Variants in CLASP2 observed in about 807,000 individuals in gnomAD.
CLASP2 encodes cytoplasmic linker associated protein 2.
CLASP2 carries 47 observed loss-of-function variants against 194.4 expected under a neutral mutation model. The observed-to-expected ratio is 0.24, with a 90% CI of 0.19 to 0.31. The LOEUF is 0.31. Ranked by LOEUF, CLASP2 falls within the 10% of genes least tolerant of loss-of-function variation. The pLI is 1.00. For missense variants in CLASP2, 1,445 were observed against 1,823.6 expected (o/e 0.79, Z 3.78); for synonymous variants, 619 against 633.5 (o/e 0.98, Z 0.34).
chr3:33,602,883 T>C (rs778024781), intron 18 of CLASP2, 69 bp downstream of exon 18: 4 of 1,343,146 alleles, frequency 3.0e-6, no homozygotes, highest in Non-Finnish European at 4.2e-6. Context: ...ATGATTAAGG[T>C]ATATGAACTT....
rs778196993 is a variant in CLASP2, at chr3:33,608,602, T to A, written c.1413A>T (p.Leu471Phe). Residue 471 changes from leucine (L) to phenylalanine (F), a missense_variant, in exon 14 of 39, where the codon TTA becomes TTT. Physicochemically the swap from Leu to Phe is conservative, Grantham distance 22. Coordinates refer to ENST00000682230, the MANE Select transcript of CLASP2 (RefSeq NM_001365631.1). Reference protein sequence around the residue: ...VRRRSFEFLDLLLQEWQTHSL... With the variant: ...VRRRSFEFLDFLLQEWQTHSL... ...AATGAGTCTGCCACTCTTGCAACAA[T>A]AAATCTAAAAATTCAAATGAACGTC... 5.6e-6 allele frequency: 9 copies of A among 1,610,908 alleles called. No homozygotes were observed. The highest frequency in any genetic ancestry group is 1.7e-5 in the Admixed American group (1 of 59,556).
At chr3:33,503,522 G>C (rs576115316) in intron 37 of CLASP2, 2 of 151,736 alleles carry the variant, frequency 1.3e-5, no homozygotes, top group South Asian at 4.2e-4. Flanking sequence ...CCACCTCCAG[G>C]GTTCAAGCAA....
intron 9 of CLASP2, 70 bp from the exon 10 acceptor site, chr3:33,627,150 T>C (rs2078191480): frequency 1.2e-6 from 1 of 860,560 alleles, no homozygotes; most frequent in Non-Finnish European, 1.9e-6. Flanking sequence ...TGCCCTGATG[T>C]TTAAAATAAT....
chr3:33,604,284 T>C, intron 16 of CLASP2, 75 bp from the exon 17 acceptor site: 2 of 925,714 alleles, frequency 2.2e-6, no homozygotes, highest in Non-Finnish European at 3.3e-6. Context: ...AAAATACTAC[T>C]GAATTTTGTG....
intron 36 of CLASP2, among the ~76,000 whole-genome samples, chr3:33,514,186 C>T (rs750993560): frequency 8.3e-4 from 126 of 152,162 alleles, no homozygotes; most frequent in Non-Finnish European, 1.4e-3. Context: ...TGGGGTTTTG[C>T]CATGTTGGTC....
intron 6 of CLASP2, chr3:33,683,674 T>C (rs1295394080): frequency 6.6e-6 from 1 of 152,172 alleles, no homozygotes; most frequent in Admixed American, 6.6e-5. Context: ...CTGGGTACGG[T>C]GGCTCTCACC....
chr3:33,529,998 A>AT (rs796441771), intron 34 of CLASP2, among the ~76,000 whole-genome samples: 7 of 143,300 alleles, frequency 4.9e-5, no homozygotes, highest in African/African-American at 2.1e-4. Context: ...AAAAAAAAAA[A>AT]AAAAAAAAAA....
chr3:33,613,594 G>A (rs771768272), intron 12 of CLASP2, among the ~76,000 whole-genome samples: 1 of 152,254 alleles, frequency 6.6e-6, no homozygotes, highest in Non-Finnish European at 1.5e-5. Context: ...CCACTAAAGA[G>A]AAACGATCTA....
At position 33,689,887 on chromosome 3, in the gene CLASP2, A is replaced by G. The variant is rs777346567; in HGVS notation, c.320T>C (p.Val107Ala). 8 of 1,600,612 alleles carry G rather than the reference A, an allele frequency of 5.0e-6. No homozygotes were observed. The highest frequency in any genetic ancestry group is 4.5e-5 in the South Asian group (4 of 88,052). The change falls in exon 3 of 39, where the codon GTT becomes GCT. Residue 107 changes from valine to alanine, a missense_variant. Physicochemically the swap from Val to Ala is moderately conservative, Grantham distance 64 (BLOSUM62 0). Transcript: ENST00000682230. Reference protein sequence around the residue: ...IDRMGDAKDKVRDEAQTLILK... With the variant: ...IDRMGDAKDKARDEAQTLILK... ...TATCAGAGTCTGAGCTTCATCTCGA[A>G]CCTTGTCTTTGGCATCTCCCATTCT... is the stretch of plus-strand genomic sequence containing the variant.
chr3:33,701,330 G>A (rs2092357098), intron 1 of CLASP2, among the ~76,000 whole-genome samples: 1 of 152,168 alleles, frequency 6.6e-6, no homozygotes, highest in African/African-American at 2.4e-5. Flanking sequence ...GACAATGTGG[G>A]GGCTGTAAGA....
chr3:33,511,207 T>A (rs1425699989), intron 36 of CLASP2, among the ~76,000 whole-genome samples: 1 of 152,008 alleles, frequency 6.6e-6, no homozygotes, highest in East Asian at 1.9e-4. Flanking sequence ...TAATTTTTTT[T>A]ATTTTTATTT....
chr3:33,556,857 T>A (rs910890263), intron 29 of CLASP2, among the ~76,000 whole-genome samples: 1 of 152,236 alleles, frequency 6.6e-6, no homozygotes, highest in African/African-American at 2.4e-5. Context: ...GCATAATGTT[T>A]TCTAATAGGA....
chr3:33,552,879 A>G (rs1346343919), intron 29 of CLASP2, among the ~76,000 whole-genome samples: 3 of 152,056 alleles, frequency 2.0e-5, no homozygotes, highest in African/African-American at 7.2e-5. Flanking sequence ...CTCATTAGCA[A>G]TTTTCAAGTA....
At chr3:33,627,854 G>C (rs1456643485) in intron 9 of CLASP2, among the ~76,000 whole-genome samples, 1 of 152,158 alleles carries the variant, frequency 6.6e-6, no homozygotes, top group East Asian at 1.9e-4. Flanking sequence ...AGGCAAAGTG[G>C]ACAGATTTGC....
In CLASP2 at chr3:33,717,923, T is replaced by C. The variant is rs1381208645; in HGVS notation, c.80A>G (p.Glu27Gly). 2.6e-6 allele frequency: 4 copies of C among 1,551,238 alleles called. No homozygotes were observed. Among genetic ancestry groups the C allele is most frequent in the Non-Finnish European group, 3.5e-6 (4 of 1,148,324 alleles). Residue 27 changes from glutamate to glycine, a missense_variant, in exon 1 of 39, where the codon GAG (glutamate) becomes GGG (glycine). Glu to Gly is a moderately conservative substitution (Grantham distance 98). Around this residue, in one of 4 missense-constraint regions of CLASP2, gnomAD observed 332 missense variants for 325.3 expected, o/e 1.02. Coordinates refer to ENST00000682230, the MANE Select transcript of CLASP2 (RefSeq NM_001365631.1). Reference protein sequence around the residue: ...DVGGRLQVGQELLLYLGAPGA... With the variant: ...DVGGRLQVGQGLLLYLGAPGA... ...GGGGGCGCCAAGGTAGAGCAGGAGCTCCTGGCCGACCTGCAGCCGGCCGCC... is the reference window on the plus strand; with the variant it reads ...GGGGGCGCCAAGGTAGAGCAGGAGCCCCTGGCCGACCTGCAGCCGGCCGCC...
intron 8 of CLASP2, among the ~76,000 whole-genome samples, chr3:33,641,885 T>C (rs903498915): frequency 6.6e-6 from 1 of 151,958 alleles, no homozygotes; most frequent in Non-Finnish European, 1.5e-5. Flanking sequence ...CACATCTATC[T>C]ATTTATTATA....
intron 8 of CLASP2, among the ~76,000 whole-genome samples, chr3:33,640,526 TTGAA>T (rs1396976453): frequency 6.6e-6 from 1 of 152,070 alleles, no homozygotes; most frequent in Non-Finnish European, 1.5e-5. Flanking sequence ...CACTGTCCAC[TTGAA>T]TGAATGAGTG....
At chr3:33,596,778 A>G in intron 18 of CLASP2, 44 bp from the exon 19 acceptor site, 1 of 1,433,782 alleles carries the variant, frequency 7.0e-7, no homozygotes, top group Non-Finnish European at 9.6e-7. Flanking sequence ...AACTTAGTAT[A>G]TTAGAAGAAA....
At chr3:33,504,788 G>A (rs747392189) in intron 37 of CLASP2, 1 of 152,148 alleles carries the variant, frequency 6.6e-6, no homozygotes, top group Non-Finnish European at 1.5e-5. Flanking sequence ...CTCACAATAG[G>A]CTTCATACTT....
Sources: gnomAD v4.1 joint callset for allele counts (sites outside exome capture counted in the v4.1 genomes callset) on GRCh38, gnomAD v4.1.1 for gene constraint, gnomAD v4.1.1 regional missense constraint, MANE v1.5 for transcripts, NCBI Gene and HGNC (gene_info 2026-07-23, HGNC 2026-07-21) for gene names.